The following TXNRD3 variants were observed in gnomAD, a reference collection of about 807,000 sequenced individuals.
The protein encoded by TXNRD3 is TXNRD3 neighbor gene protein.
Under a neutral mutation model 78.2 loss-of-function variants are expected in TXNRD3, and 68 were observed. That is an observed-to-expected ratio of 0.87 (90% CI 0.72 to 1.06). TXNRD3 has a LOEUF of 1.06. Among genes scored for constraint, TXNRD3 ranks in the 50% least tolerant of loss-of-function variants. The probability of loss-of-function intolerance (pLI) is 0.00; values close to 1 mark genes in which losing one functional copy is unlikely to be tolerated. For synonymous variants in TXNRD3, 296 were observed against 300.1 expected, an observed-to-expected ratio of 0.99 and a Z score of 0.14; for missense variants, 751 against 809.5, an observed-to-expected ratio of 0.93 and a Z score of 0.88.
At position 126,633,908 on chromosome 3, in the gene TXNRD3, C is replaced by A. The variant is rs1271798087; in HGVS notation, c.855+1G>T. The A allele has an allele frequency of 5.4e-6, 8 of 1,489,618 alleles. No individual in the cohort carries two copies. In the Admixed American group the frequency reaches 1.9e-4, roughly 35 times the overall value. 92.3% of individuals were successfully genotyped at this position (1,489,618 alleles called of 1,614,324 possible). On this transcript the variant is annotated splice_donor_variant, in intron 7 of 15. Coordinates refer to ENST00000524230, the MANE Select transcript of TXNRD3 (RefSeq NM_052883.3). LOFTEE classifies it high-confidence loss of function. Reference sequence around the variant, plus strand: ...AACAAGACAAGAAACTCAAGCACTACCTTTATTTTATGATGTTCAACAAAT... The same window carrying A: ...AACAAGACAAGAAACTCAAGCACTAACTTTATTTTATGATGTTCAACAAAT...
chr3:126,621,978 G>C, intron 11 of TXNRD3, 80 bp from the exon 12 acceptor site: 1 of 1,171,628 alleles, frequency 8.5e-7, no homozygotes, highest in Non-Finnish European at 1.1e-6. Context: ...TTAGCCAAAA[G>C]ACTAAATACA....
intron 6 of TXNRD3, among the ~76,000 whole-genome samples, chr3:126,634,674 T>TA (rs1414821065): frequency 1.3e-5 from 2 of 152,204 alleles, no homozygotes; most frequent in Non-Finnish European, 2.9e-5. Flanking sequence ...ATTTACTGCA[T>TA]AGTGTTCACC....
At chr3:126,623,499 G>A (rs933889142) in intron 10 of TXNRD3, among the ~76,000 whole-genome samples, 2 of 152,134 alleles carry the variant, frequency 1.3e-5, no homozygotes, top group Admixed American at 6.5e-5. Flanking sequence ...ATAATTGTTC[G>A]TGATCAAGTG....
intron 7 of TXNRD3, among the ~76,000 whole-genome samples, chr3:126,633,451 A>G (rs568058597): frequency 6.6e-6 from 1 of 152,314 alleles, no homozygotes; most frequent in South Asian, 2.1e-4. Flanking sequence ...CATTTTCCAT[A>G]TGTATTAATC....
rs933535684 is a variant in TXNRD3 at position 126,644,129 on chromosome 3, C to T, written c.520-76G>A. The T allele has an allele frequency of 2.2e-5, 32 of 1,460,352 alleles. 1 individual carries two copies. The highest frequency in any genetic ancestry group is 1.0e-4 in the Admixed American group (5 of 49,244). The allele number at this position is 1,460,352 out of a possible 1,614,324, so 90.5% of individuals were successfully genotyped here. A position where few individuals can be genotyped will look rare whatever the true frequency, so the allele number is the denominator to read the frequency against. On this transcript the variant is annotated intron_variant, in intron 4 of 15. Coordinates refer to ENST00000524230, the MANE Select transcript of TXNRD3 (RefSeq NM_052883.3). ...TGACACTCCCTCAATCTTTGTCTTC[C>T]GTAAAAGACTGTTTTTGTGTGACAC...
intron 14 of TXNRD3, among the ~76,000 whole-genome samples, chr3:126,610,427 G>A (rs1198618082): frequency 6.6e-6 from 1 of 152,128 alleles, no homozygotes; most frequent in African/African-American, 2.4e-5. Context: ...CGCTACTGAG[G>A]AAGGCTATTA....
At position 126,611,122 on chromosome 3, in the gene TXNRD3, G is replaced by GTATGA. The variant is rs1559769748; in HGVS notation, c.1638_1642dup (p.Thr548IlefsTer12). The stretch of plus-strand genomic sequence containing the variant: ...TGTCCATTCAAGAGGCCAGAACAAA[G>GTATGA]TATGATATATCTGGAAGATAAAAGA... On this transcript the variant is annotated frameshift_variant, in exon 14 of 16. Transcript: ENST00000524230. LOFTEE classifies it high-confidence loss of function. The GTATGA allele has an allele frequency of 1.3e-6, 2 of 1,519,160 alleles. No homozygotes were observed. Among genetic ancestry groups the GTATGA allele is most frequent in the Non-Finnish European group, 1.8e-6 (2 of 1,138,152 alleles). The allele number at this position is 1,519,160 out of a possible 1,614,324, so 94.1% of individuals were successfully genotyped here.
intron 12 of TXNRD3, among the ~76,000 whole-genome samples, chr3:126,618,647 T>C (rs1938368997): frequency 6.6e-6 from 1 of 152,018 alleles, no homozygotes. Context: ...TGGACATTGG[T>C]CTAGGCAAAG....
At chr3:126,618,310 G>GT (rs1319478932) in intron 12 of TXNRD3, among the ~76,000 whole-genome samples, 13 of 152,140 alleles carry the variant, frequency 8.5e-5, no homozygotes, top group African/African-American at 2.7e-4. Context: ...TACACTACCT[G>GT]ATTTCAAAAT....
chr3:126,611,725 T>C (rs1938202448), intron 13 of TXNRD3, among the ~76,000 whole-genome samples: 1 of 152,080 alleles, frequency 6.6e-6, no homozygotes, highest in African/African-American at 2.4e-5. Context: ...CAGCTTGGGG[T>C]TGCTGTGTTC....
At chr3:126,635,302 A>G (rs78747053) in intron 6 of TXNRD3, among the ~76,000 whole-genome samples, 1,801 of 152,300 alleles carry the variant, frequency 0.012, 19 homozygotes, top group Middle Eastern at 0.048. Context: ...GCTGCACATC[A>G]TAATGGGAAT....
intron 10 of TXNRD3, among the ~76,000 whole-genome samples, chr3:126,623,852 C>CAAGAAAAAAAAA (rs1938509897): frequency 8.9e-6 from 1 of 112,012 alleles, no homozygotes; most frequent in Non-Finnish European, 1.7e-5. Context: ...GAAACAAGGC[C>CAAGAAAAAAAAA]AAAAAAAAAA....
At position 126,642,030 on chromosome 3, in the gene TXNRD3, ACCTTGTTGATTATATT is replaced by A. The variant is rs1441635103; in HGVS notation, c.698_712+1del. 1 of 1,533,424 alleles carries A rather than the reference ACCTTGTTGATTATATT, an allele frequency of 6.5e-7. No homozygotes were observed. Among genetic ancestry groups the A allele is most frequent in the Non-Finnish European group, 8.7e-7 (1 of 1,146,156 alleles). The allele number at this position is 1,533,424 out of a possible 1,614,324, so 95.0% of individuals were successfully genotyped here. On this transcript the variant is annotated splice_donor_variant and coding_sequence_variant, in exon 6 of 16. Transcript: ENST00000524230. LOFTEE classifies it high-confidence loss of function. ...ATCTATACTTTATGAACCATTACTC[ACCTTGTTGATTATATT>A]CCCAGCCAAATTTCCTTGAGTCACA...
chr3:126,619,885 A>T (rs903598234), intron 12 of TXNRD3, among the ~76,000 whole-genome samples: 3 of 152,232 alleles, frequency 2.0e-5, no homozygotes, highest in Non-Finnish European at 4.4e-5. Flanking sequence ...AGTCACTGTC[A>T]TAGAAAATAA....
intron 6 of TXNRD3, among the ~76,000 whole-genome samples, chr3:126,639,732 G>A (rs1933013144): frequency 6.6e-6 from 1 of 151,956 alleles, no homozygotes; most frequent in African/African-American, 2.4e-5. Flanking sequence ...CACCATGCCT[G>A]CCTAATTTTT....
intron 14 of TXNRD3, among the ~76,000 whole-genome samples, chr3:126,610,776 T>A (rs149064161): frequency 4.4e-4 from 67 of 152,276 alleles, no homozygotes; most frequent in African/African-American, 1.6e-3. Context: ...GCTCAGCCTC[T>A]GTGACATGTT....
chr3:126,631,062 C>G, intron 8 of TXNRD3, 125 bp from the exon 9 acceptor site: 1 of 989,602 alleles, frequency 1.0e-6, no homozygotes, highest in Non-Finnish European at 1.4e-6. Flanking sequence ...AAGCAACAGC[C>G]TTTTGAAATT....
At chr3:126,619,370 T>C (rs1938390220) in intron 12 of TXNRD3, among the ~76,000 whole-genome samples, 1 of 152,172 alleles carries the variant, frequency 6.6e-6, no homozygotes, top group African/African-American at 2.4e-5. Context: ...TTAAATACTA[T>C]TCAGCCATAA....
chr3:126,649,783 C>T (rs1367854829), intron 1 of TXNRD3, among the ~76,000 whole-genome samples: 2 of 152,084 alleles, frequency 1.3e-5, no homozygotes, highest in African/African-American at 4.8e-5. Flanking sequence ...ATATGAGGTA[C>T]CTAAAGCAGT....
Sources: gnomAD v4.1 joint callset for allele counts (sites outside exome capture counted in the v4.1 genomes callset) on GRCh38, gnomAD v4.1.1 for gene constraint, MANE v1.5 for transcripts, NCBI Gene and HGNC (gene_info 2026-07-23, HGNC 2026-07-21) for gene names.